PTGES: variants seen among roughly 807,000 people sequenced by gnomAD.
PTGES encodes the protein MGST1-like 1.
Under a neutral mutation model 11.8 loss-of-function variants are expected in PTGES, and 3 were observed. That is an observed-to-expected ratio of 0.25 (90% CI 0.12 to 0.66). The LOEUF is 0.66. Among genes scored for constraint, PTGES ranks in the 30% least tolerant of loss-of-function variants. The probability of loss-of-function intolerance (pLI) is 0.82; values close to 1 mark genes in which losing one functional copy is unlikely to be tolerated. For synonymous variants in PTGES, 94 were observed against 90.4 expected, an observed-to-expected ratio of 1.04 and a Z score of -0.22; for missense variants, 180 against 213.0, an observed-to-expected ratio of 0.85 and a Z score of 0.96.
In PTGES at chr9:129,745,648, C is replaced by T. The variant is rs1334610692; in HGVS notation, c.209+3007G>A. 6.6e-6 allele frequency among the ~76,000 whole-genome samples: 1 copy of T among 152,144 alleles called. No homozygotes were observed. Among genetic ancestry groups the T allele is most frequent in the Non-Finnish European group, 1.5e-5 (1 of 68,032 alleles). Reference sequence around the variant, plus strand: ...CAGTCGGCTTCCAGTAAGTCCTCACCAAATGGCTATAAAGTATTATTAGAT... The same window carrying T: ...CAGTCGGCTTCCAGTAAGTCCTCACTAAATGGCTATAAAGTATTATTAGAT... On this transcript the variant is annotated intron_variant, in intron 2 of 2. Transcript: ENST00000340607. This position sits in a 1 kb window ranked among gnomAD's most constrained non-coding sequence, Gnocchi z 4.2.
At chr9:129,748,042 A>T in intron 2 of PTGES, among the ~76,000 whole-genome samples, 1 of 140,428 alleles carries the variant, frequency 7.1e-6, no homozygotes, top group East Asian at 2.1e-4. Flanking sequence ...AAAAAGAGGT[A>T]TTGAGGCCTT....
intron 2 of PTGES, among the ~76,000 whole-genome samples, chr9:129,740,991 G>C (rs555417102): frequency 2.0e-5 from 3 of 152,316 alleles, no homozygotes; most frequent in Non-Finnish European, 4.4e-5. Flanking sequence ...ACCCGCTGCA[G>C]GGTCCTCCTC....
At position 129,739,448 on chromosome 9, in the gene PTGES, A is replaced by G; in HGVS notation, c.*163T>C. On this transcript the variant is annotated 3_prime_UTR_variant, in exon 3 of 3. Transcript: ENST00000340607. The surrounding 1 kb of genome is among the most constrained non-coding windows in gnomAD (Gnocchi z 5.7). ...CACACACACATACACACACACGGGC[A>G]CACACACAGGCCCACTGTGCCCAGA... 1 of 955,908 alleles carries G rather than the reference A, an allele frequency of 1.0e-6. No individual in the cohort carries two copies. Among genetic ancestry groups the G allele is most frequent in the South Asian group, 1.7e-5 (1 of 57,580 alleles). The allele number at this position is 955,908 out of a possible 1,614,324, so 59.2% of individuals were successfully genotyped here.
chr9:129,742,664 G>A (rs1040245171), intron 2 of PTGES, among the ~76,000 whole-genome samples: 1 of 152,142 alleles, frequency 6.6e-6, no homozygotes, highest in Admixed American at 6.5e-5. Context: ...ACGAGGTCAG[G>A]AGATCGAGAC....
chr9:129,748,413 A>G (rs990741769), intron 2 of PTGES, among the ~76,000 whole-genome samples: 2 of 152,124 alleles, frequency 1.3e-5, no homozygotes, highest in African/African-American at 4.8e-5. Context: ...GGTAGGAGGG[A>G]GACTGAATGT....
At chr9:129,750,046 A>G (rs1206168853) in intron 1 of PTGES, among the ~76,000 whole-genome samples, 2 of 152,204 alleles carry the variant, frequency 1.3e-5, no homozygotes, top group African/African-American at 4.8e-5. Context: ...GACCTGGAGA[A>G]GCCGCTAGGA....
At chr9:129,749,263 C>T (rs1299465415) in intron 1 of PTGES, among the ~76,000 whole-genome samples, 1 of 151,724 alleles carries the variant, frequency 6.6e-6, no homozygotes, top group East Asian at 1.9e-4. Flanking sequence ...GCCTGTGAGC[C>T]AAGCACTTTG....
chr9:129,745,691 T>C lies in PTGES; in HGVS notation c.209+2964A>G, dbSNP rs1322971345. On this transcript the variant is annotated intron_variant, in intron 2 of 2. Coordinates refer to ENST00000340607, the MANE Select transcript of PTGES (RefSeq NM_004878.5). The surrounding 1 kb of genome is among the most constrained non-coding windows in gnomAD (Gnocchi z 4.2). Reference sequence around the variant, plus strand: ...TATTAGATAAGACGCACTCAGAAAGTGCTGAAATGAATTTCTACCATTTAA... The same window carrying C: ...TATTAGATAAGACGCACTCAGAAAGCGCTGAAATGAATTTCTACCATTTAA... 6.6e-6 allele frequency among the ~76,000 whole-genome samples: 1 copy of C among 152,102 alleles called. No homozygotes were observed. The highest frequency in any genetic ancestry group is 1.5e-5 in the Non-Finnish European group (1 of 68,020).
intron 1 of PTGES, among the ~76,000 whole-genome samples, 185 bp downstream of exon 1, chr9:129,752,702 G>A (rs541787574): frequency 6.6e-6 from 1 of 152,372 alleles, no homozygotes; most frequent in South Asian, 2.1e-4. Context: ...AAGCCAGAGA[G>A]GAGAAGGTGC....
intron 1 of PTGES, among the ~76,000 whole-genome samples, chr9:129,751,024 T>A (rs1329697066): frequency 6.6e-6 from 1 of 152,116 alleles, no homozygotes; most frequent in African/African-American, 2.4e-5. Context: ...CTTCCCCGAA[T>A]TCGTGTTAAA....
intron 2 of PTGES, among the ~76,000 whole-genome samples, chr9:129,740,806 T>C (rs1435076583): frequency 1.3e-5 from 2 of 152,110 alleles, no homozygotes; most frequent in Non-Finnish European, 2.9e-5. Context: ...GATTGCCACA[T>C]TGGAAGCTCA....
At chr9:129,748,009 CAAAAAA>C (rs71497492) in intron 2 of PTGES, among the ~76,000 whole-genome samples, 22 of 23,420 alleles carry the variant, frequency 9.4e-4, no homozygotes, top group East Asian at 7.3e-3. Flanking sequence ...GACTCTGTCT[CAAAAAA>C]AAAAAAAAAA....
chr9:129,752,263 C>T (rs1384366663), intron 1 of PTGES, among the ~76,000 whole-genome samples: 1 of 152,238 alleles, frequency 6.6e-6, no homozygotes, highest in African/African-American at 2.4e-5. Context: ...CCGACAAGCT[C>T]AGCCTATGAC....
At position 129,738,573 on chromosome 9, in the gene PTGES, C is replaced by T. The variant is rs900073866; in HGVS notation, c.*1038G>A. On this transcript the variant is annotated 3_prime_UTR_variant, in exon 3 of 3. Coordinates refer to ENST00000340607, the MANE Select transcript of PTGES (RefSeq NM_004878.5). The surrounding 1 kb of genome is among the most constrained non-coding windows in gnomAD (Gnocchi z 4.2). ...AGCTCCCGGTCCTCCACCCACTGCCCTTTGGAGGGACTCAAACCTTGGGAG... is the reference window on the plus strand; with the variant it reads ...AGCTCCCGGTCCTCCACCCACTGCCTTTTGGAGGGACTCAAACCTTGGGAG... 1.3e-5 allele frequency: 2 copies of T among 152,374 alleles called. No individual in the cohort carries two copies. The highest frequency in any genetic ancestry group is 4.8e-5 in the African/African-American group (2 of 41,452). 9.4% of individuals were successfully genotyped at this position (152,374 alleles called of 1,614,324 possible).
At chr9:129,752,229 T>C (rs953633624) in intron 1 of PTGES, among the ~76,000 whole-genome samples, 4 of 152,216 alleles carry the variant, frequency 2.6e-5, no homozygotes, top group Non-Finnish European at 4.4e-5. Flanking sequence ...CCTGGGGTCT[T>C]TCTGCATTCT....
rs1170282357 is a variant in PTGES, at chr9:129,738,868, T to G, written c.*743A>C. The G allele has an allele frequency of 1.3e-5, 2 of 152,348 alleles. No homozygotes were observed. Among genetic ancestry groups the G allele is most frequent in the Non-Finnish European group, 2.9e-5 (2 of 68,156 alleles). 9.4% of individuals were successfully genotyped at this position (152,348 alleles called of 1,614,324 possible). On this transcript the variant is annotated 3_prime_UTR_variant, in exon 3 of 3. Transcript: ENST00000340607. The surrounding 1 kb of genome is among the most constrained non-coding windows in gnomAD (Gnocchi z 4.2). ...TCCAGATGGTGGCTGAGCACAGTGATTCATGCCTGTCATCCCAGCACTTTG... is the reference window on the plus strand; with the variant it reads ...TCCAGATGGTGGCTGAGCACAGTGAGTCATGCCTGTCATCCCAGCACTTTG...
intron 1 of PTGES, among the ~76,000 whole-genome samples, chr9:129,749,253 G>A (rs146009007): frequency 4.0e-5 from 6 of 151,772 alleles, no homozygotes; most frequent in Admixed American, 1.3e-4. Flanking sequence ...GGTGGCTCAC[G>A]CCTGTGAGCC....
chr9:129,752,254 C>T (rs370075289), intron 1 of PTGES, among the ~76,000 whole-genome samples: 3 of 152,332 alleles, frequency 2.0e-5, no homozygotes, highest in South Asian at 4.1e-4. Flanking sequence ...CCAGGACAGC[C>T]GACAAGCTCA....
intron 2 of PTGES, among the ~76,000 whole-genome samples, chr9:129,740,441 CT>C (rs1832984382): frequency 6.6e-6 from 1 of 152,206 alleles, no homozygotes. Context: ...GCTCTGTCTC[CT>C]TTTCCCCCTA....
Sources: gnomAD v4.1 joint callset for allele counts (sites outside exome capture counted in the v4.1 genomes callset) on GRCh38, gnomAD v4.1.1 for gene constraint, Gnocchi (gnomAD v3.1) non-coding constraint, MANE v1.5 for transcripts, NCBI Gene and HGNC (gene_info 2026-07-23, HGNC 2026-07-21) for gene names.